The following ZNF644 variants were observed in gnomAD, a reference collection of about 807,000 sequenced individuals.
The protein encoded by ZNF644 is zinc finger protein 644, also known as zinc finger motif enhancer binding protein 2.
ZNF644 carries 20 observed loss-of-function variants against 108.0 expected under a neutral mutation model. The ratio of observed to expected loss-of-function variants is 0.19; its 90% CI spans 0.13 to 0.27. The LOEUF is 0.27. Among genes scored for constraint, ZNF644 ranks in the 10% least tolerant of loss-of-function variants. The pLI is 1.00. For missense variants in ZNF644, 1,338 were observed against 1,548.9 expected, an observed-to-expected ratio of 0.86 and a Z score of 2.29; for synonymous variants, 542 against 539.1, an observed-to-expected ratio of 1.01 and a Z score of -0.08.
intron 2 of ZNF644, among the ~76,000 whole-genome samples, chr1:90,950,269 T>C: frequency 2.3e-5 from 1 of 43,516 alleles, no homozygotes; most frequent in African/African-American, 9.7e-5. Flanking sequence ...AGAGTGAGAT[T>C]CCATCTCAAG....
chr1:90,975,230 GACT>G (rs1430180775), intron 2 of ZNF644, among the ~76,000 whole-genome samples: 1 of 152,096 alleles, frequency 6.6e-6, no homozygotes, highest in African/African-American at 2.4e-5. Context: ...CAGGAACAGA[GACT>G]ATCACAGTAC....
intron 1 of ZNF644, among the ~76,000 whole-genome samples, chr1:91,007,220 A>T (rs79834006): frequency 0.013 from 404 of 30,002 alleles, 8 homozygotes; most frequent in Middle Eastern, 0.048. Context: ...ATTTTCTCCC[A>T]TTTTGTTTTT....
intron 4 of ZNF644, among the ~76,000 whole-genome samples, chr1:90,937,249 G>A (rs1373448594): frequency 1.3e-5 from 2 of 151,666 alleles, no homozygotes; most frequent in Non-Finnish European, 1.5e-5. Flanking sequence ...TTCTGCTTTT[G>A]TTCTCACCTT....
intron 2 of ZNF644, among the ~76,000 whole-genome samples, chr1:90,945,102 A>G (rs1245524798): frequency 6.6e-6 from 1 of 152,160 alleles, no homozygotes; most frequent in Non-Finnish European, 1.5e-5. Context: ...AGTTTAGGTT[A>G]CTATAACAAA....
In ZNF644 at chr1:90,998,594, G is replaced by A. The variant is rs1232275247; in HGVS notation, c.-17-16224C>T. ...CAAAGGTAGATAAAACCACAAAGAT[G>A]GGGAAAGAACAGAGCAGAAAAGCTG... On this transcript the variant is annotated intron_variant, in intron 1 of 5. Transcript: ENST00000337393. 3.3e-5 allele frequency among the ~76,000 whole-genome samples: 5 copies of A among 152,318 alleles called. No homozygotes were observed. In the East Asian group the frequency reaches 9.6e-4, roughly 29 times the overall value.
chr1:90,999,674 C>T (rs928197671), intron 1 of ZNF644, among the ~76,000 whole-genome samples: 1 of 152,136 alleles, frequency 6.6e-6, no homozygotes, highest in Non-Finnish European at 1.5e-5. Flanking sequence ...CAGGCTCAAA[C>T]TCGCACATAA....
At chr1:90,950,427 C>T (rs1265320676) in intron 2 of ZNF644, among the ~76,000 whole-genome samples, 1 of 151,068 alleles carries the variant, frequency 6.6e-6, no homozygotes, top group Non-Finnish European at 1.5e-5. Context: ...GTTTTGTCAG[C>T]CTCCTCCCAA....
intron 4 of ZNF644, among the ~76,000 whole-genome samples, chr1:90,922,809 C>T (rs1649612185): frequency 6.6e-6 from 1 of 152,028 alleles, no homozygotes; most frequent in Non-Finnish European, 1.5e-5. Context: ...CGTTGTTTAG[C>T]CCCTACTTAT....
At chr1:91,018,974 TGTAA>T (rs1158166470) in intron 1 of ZNF644, among the ~76,000 whole-genome samples, 1 of 152,228 alleles carries the variant, frequency 6.6e-6, no homozygotes, top group Non-Finnish European at 1.5e-5. Context: ...AAAATGAAAG[TGTAA>T]GTAAATCCAC....
At chr1:90,980,646 TAATG>T (rs1166166211) in intron 2 of ZNF644, among the ~76,000 whole-genome samples, 1 of 152,082 alleles carries the variant, frequency 6.6e-6, no homozygotes, top group Non-Finnish European at 1.5e-5. Flanking sequence ...CAATAAAAAA[TAATG>T]AACTGCTGAC....
chr1:90,939,695 T>C lies in ZNF644; in HGVS notation c.1659A>G (p.Lys553=). 6.2e-7 allele frequency: 1 copy of C among 1,614,064 alleles called. No homozygotes were observed. Among genetic ancestry groups the C allele is most frequent in the Non-Finnish European group, 8.5e-7 (1 of 1,179,964 alleles). ...HRGIAHGAVV[K]CPMVTSDIAQ... The stretch of plus-strand genomic sequence containing the variant: ...CAATATCAGAAGTGACCATAGGGCA[T>C]TTTACCACTGCCCCATGTGCAATGC... Residue 553 remains lysine (K), a synonymous_variant, in exon 3 of 6, where the codon AAA becomes AAG. Coordinates refer to ENST00000337393, the MANE Select transcript of ZNF644 (RefSeq NM_201269.3).
At chr1:90,977,598 T>C (rs1241066943) in intron 2 of ZNF644, among the ~76,000 whole-genome samples, 1 of 152,190 alleles carries the variant, frequency 6.6e-6, no homozygotes. Flanking sequence ...AACAAATATT[T>C]AGCAGAATGT....
At chr1:91,002,723 A>G (rs1323854751) in intron 1 of ZNF644, among the ~76,000 whole-genome samples, 1 of 152,246 alleles carries the variant, frequency 6.6e-6, no homozygotes. Flanking sequence ...AAAAGAAACT[A>G]CCATCAGAGT....
At chr1:90,960,010 G>A (rs991393820) in intron 2 of ZNF644, among the ~76,000 whole-genome samples, 3 of 152,122 alleles carry the variant, frequency 2.0e-5, no homozygotes, top group Admixed American at 1.3e-4. Flanking sequence ...CAGTGTATAT[G>A]TTCTCCACCC....
chr1:90,968,060 C>CAAAAA (rs763728133), intron 2 of ZNF644, among the ~76,000 whole-genome samples: 3 of 67,244 alleles, frequency 4.5e-5, no homozygotes, highest in South Asian at 6.7e-4. Flanking sequence ...GACTCCGTCT[C>CAAAAA]AAAAAAAAAA....
At position 90,939,019 on chromosome 1, in the gene ZNF644, TTGA is replaced by T. The variant is rs1557568147; in HGVS notation, c.2332_2334del (p.Ser779del). The T allele has an allele frequency of 1.4e-5, 22 of 1,613,948 alleles. No individual in the cohort carries two copies. Among genetic ancestry groups the T allele is most frequent in the East Asian group, 4.5e-5 (2 of 44,890 alleles). On this transcript the variant is annotated inframe_deletion, in exon 3 of 6. Coordinates refer to ENST00000337393, the MANE Select transcript of ZNF644 (RefSeq NM_201269.3). ...GAAATAAAATTGTTGTGAGAATTAC[TTGA>T]TGATGAAAACAGGTGTAAAGAATTT...
chr1:90,942,247 G>A (rs868860768), intron 2 of ZNF644, among the ~76,000 whole-genome samples: 2 of 152,030 alleles, frequency 1.3e-5, no homozygotes, highest in Non-Finnish European at 2.9e-5. Context: ...ATAAAATGTA[G>A]ATAAAACTTT....
intron 1 of ZNF644, among the ~76,000 whole-genome samples, chr1:90,990,527 T>C (rs1169320067): frequency 6.6e-6 from 1 of 152,122 alleles, no homozygotes; most frequent in East Asian, 1.9e-4. Flanking sequence ...AAAGTACAGA[T>C]CCCTGCCCAA....
chr1:90,987,706 CCAGA>C (rs1171241904), intron 1 of ZNF644, among the ~76,000 whole-genome samples: 2 of 152,008 alleles, frequency 1.3e-5, no homozygotes, highest in Admixed American at 1.3e-4. Flanking sequence ...GACACCAAAA[CCAGA>C]CAAAGACACA....
Sources: allele counts gnomAD v4.1 joint callset (sites outside exome capture counted in the v4.1 genomes callset), GRCh38; gene constraint gnomAD v4.1.1; transcripts MANE v1.5; gene names NCBI Gene and HGNC (gene_info 2026-07-23, HGNC 2026-07-21).